C13orf46: variants seen among roughly 807,000 people sequenced by gnomAD.
C13orf46 encodes uncharacterized protein C13orf46.
In C13orf46 at chr13:113,953,918, G is replaced by A. The variant is rs2052500405; in HGVS notation, c.*2855C>T. 1 of 152,280 alleles carries A rather than the reference G, an allele frequency of 6.6e-6. No individual in the cohort carries two copies. Among genetic ancestry groups the A allele is most frequent in the African/African-American group, 2.4e-5 (1 of 41,456 alleles). The allele number at this position is 152,280 out of a possible 1,614,324, so 9.4% of individuals were successfully genotyped here. A position where few individuals can be genotyped will look rare whatever the true frequency, so the allele number is the denominator to read the frequency against. ...ACAGCCCGTCCAGGGCCCATTTCCG[G>A]TTGTCTGGGAAATGATGACTCTGGG... is the stretch of plus-strand genomic sequence containing the variant. On this transcript the variant is annotated 3_prime_UTR_variant, in exon 7 of 7. Coordinates refer to ENST00000636427, the MANE Select transcript of C13orf46 (RefSeq NM_001365455.2).
the C13orf46 span, among the ~76,000 whole-genome samples, chr13:113,929,282 G>A: frequency 6.6e-6 from 1 of 152,246 alleles, no homozygotes; most frequent in African/African-American, 2.4e-5. Context: ...CACCTCCTCA[G>A]GGCTGGCCCA....
the C13orf46 span, among the ~76,000 whole-genome samples, chr13:113,945,387 T>G: frequency 6.6e-6 from 1 of 151,604 alleles, no homozygotes; most frequent in Non-Finnish European, 1.5e-5. Flanking sequence ...CTACTAAAAA[T>G]ACAAAAAACT....
At chr13:113,967,988 G>A (rs1456068985) in intron 4 of C13orf46, among the ~76,000 whole-genome samples, 3 of 152,236 alleles carry the variant, frequency 2.0e-5, no homozygotes, top group South Asian at 4.1e-4. Flanking sequence ...GGTGGGTGAA[G>A]GACTTCCCAA....
At chr13:113,967,218 A>T (rs2052658575) in intron 5 of C13orf46, 123 bp downstream of exon 5, 1 of 152,224 alleles carries the variant, frequency 6.6e-6, no homozygotes, top group South Asian at 2.1e-4. Context: ...CTGCCTCCCT[A>T]TCCAACACAT....
At chr13:113,958,813 C>A (rs1396130162) in intron 6 of C13orf46, among the ~76,000 whole-genome samples, 2 of 152,212 alleles carry the variant, frequency 1.3e-5, no homozygotes, top group Non-Finnish European at 2.9e-5. Context: ...GACCCCAGCA[C>A]AGGCCCTTGG....
chr13:113,935,655 C>A, the C13orf46 span, among the ~76,000 whole-genome samples: 16 of 152,376 alleles, frequency 1.1e-4, no homozygotes, highest in Admixed American at 9.1e-4. Flanking sequence ...CAACACCACT[C>A]GGGTTACCCA....
downstream of C13orf46, among the ~76,000 whole-genome samples, chr13:113,950,957 C>A (rs959731067): frequency 6.6e-5 from 10 of 152,308 alleles, no homozygotes; most frequent in Admixed American, 3.9e-4. Context: ...GAAGGCCGGG[C>A]GTTCAGAGGA....
At chr13:113,932,828 T>C in the C13orf46 span, among the ~76,000 whole-genome samples, 7 of 152,340 alleles carry the variant, frequency 4.6e-5, no homozygotes, top group African/African-American at 1.4e-4. Context: ...TCTTACAAGT[T>C]TTACTGTTTT....
the C13orf46 span, among the ~76,000 whole-genome samples, chr13:113,940,533 G>A: frequency 3.9e-5 from 5 of 129,142 alleles, no homozygotes; most frequent in African/African-American, 8.3e-5. Flanking sequence ...CTGAGCGTTC[G>A]AGACCCTGGT....
the C13orf46 span, among the ~76,000 whole-genome samples, chr13:113,934,080 C>T: frequency 6.6e-6 from 1 of 152,188 alleles, no homozygotes; most frequent in East Asian, 1.9e-4. Context: ...CTCTAACCCA[C>T]AGCACCCGCC....
At chr13:113,932,796 C>A in the C13orf46 span, among the ~76,000 whole-genome samples, 1 of 144,520 alleles carries the variant, frequency 6.9e-6, no homozygotes, top group Non-Finnish European at 1.5e-5. Flanking sequence ...CTAAAAGTCA[C>A]CATGATTTTA....
chr13:113,929,953 A>G, the C13orf46 span, among the ~76,000 whole-genome samples: 1 of 152,212 alleles, frequency 6.6e-6, no homozygotes, highest in Non-Finnish European at 1.5e-5. Flanking sequence ...CGTTCTTGCC[A>G]GGCCTGGGAG....
At chr13:113,961,975 C>T (rs931981676) in intron 6 of C13orf46, among the ~76,000 whole-genome samples, 8 of 151,552 alleles carry the variant, frequency 5.3e-5, no homozygotes, top group Non-Finnish European at 1.5e-5. Context: ...ATCTGTGGCC[C>T]CTCTGATGCT....
Position 113,971,905 on chromosome 13 carries a change from A to G in C13orf46, c.191-1683T>C, listed in dbSNP as rs114107421. On this transcript the variant is annotated intron_variant, in intron 1 of 6. Coordinates refer to ENST00000636427, the MANE Select transcript of C13orf46 (RefSeq NM_001365455.2). ...GGCAGAATCTCAGTTGTCTGGGGGC[A>G]GCCACAAAGCTCCAGGGAGGATGCG... Among the ~76,000 whole-genome samples the G allele has an allele frequency of 7.2e-3, 1,090 of 152,310 alleles. 5 individuals carry two copies. The highest frequency in any genetic ancestry group is 0.025 in the African/African-American group (1,041 of 41,556).
chr13:113,973,702 C>T (rs1463201372), intron 1 of C13orf46, 106 bp downstream of exon 1: 1 of 152,308 alleles, frequency 6.6e-6, no homozygotes, highest in Non-Finnish European at 1.5e-5. Flanking sequence ...TGGGAACTTC[C>T]TAGAACTTTC....
chr13:113,968,557 A>G (rs1312084646), intron 3 of C13orf46, 38 bp downstream of exon 3: 2 of 152,430 alleles, frequency 1.3e-5, no homozygotes, highest in East Asian at 3.9e-4. Flanking sequence ...GCTCCAAGGC[A>G]AGAGGAAAAA....
the C13orf46 span, among the ~76,000 whole-genome samples, chr13:113,946,001 C>A: frequency 9.9e-5 from 15 of 152,186 alleles, no homozygotes; most frequent in Admixed American, 9.8e-4. Context: ...CAGTTCACCG[C>A]ACTGTGGGCT....
At chr13:113,951,194 G>A (rs1194930430), downstream of C13orf46, among the ~76,000 whole-genome samples, 1 of 152,184 alleles carries the variant, frequency 6.6e-6, no homozygotes, top group Non-Finnish European at 1.5e-5. Context: ...TGCTCAGCTG[G>A]GGAGGAGGTA....
downstream of C13orf46, among the ~76,000 whole-genome samples, chr13:113,950,760 G>A (rs964740132): frequency 4.6e-5 from 7 of 152,302 alleles, no homozygotes; most frequent in Non-Finnish European, 1.0e-4. Context: ...GGTTCAGCAG[G>A]AGCCGGCGCC....
Sources: gnomAD v4.1 joint callset for allele counts (sites outside exome capture counted in the v4.1 genomes callset) on GRCh38, gnomAD v4.1.1 for gene constraint, MANE v1.5 for transcripts, NCBI Gene and HGNC (gene_info 2026-07-23, HGNC 2026-07-21) for gene names.